KLF9: variants seen among roughly 807,000 people sequenced by gnomAD.
The protein encoded by KLF9 is KLF transcription factor 9, also known as Krueppel-like factor 9.
Under a neutral mutation model 17.3 loss-of-function variants are expected in KLF9, and 2 were observed. The observed-to-expected ratio is 0.12, with a 90% CI of 0.05 to 0.36. KLF9 has a LOEUF of 0.36. Among genes scored for constraint, KLF9 ranks in the 10% least tolerant of loss-of-function variants. The pLI, the probability that KLF9 is intolerant of heterozygous loss-of-function variation, is 1.00. For synonymous variants in KLF9, 138 were observed against 139.2 expected (o/e 0.99, Z 0.06); for missense variants, 226 against 333.2 (o/e 0.68, Z 2.51).
chr9:70,405,729 A>G (rs2118922914), intron 1 of KLF9, among the ~76,000 whole-genome samples: 1 of 152,284 alleles, frequency 6.6e-6, no homozygotes, highest in East Asian at 1.9e-4. Flanking sequence ...CATGGCAATG[A>G]ATGGCCTTGG....
intron 1 of KLF9, among the ~76,000 whole-genome samples, chr9:70,397,432 A>G (rs1044142250): frequency 4.6e-5 from 7 of 151,974 alleles, no homozygotes; most frequent in Admixed American, 2.6e-4. Context: ...CTGAGATTGC[A>G]CCACTGCACT....
chr9:70,401,688 A>C (rs1213909166), intron 1 of KLF9, among the ~76,000 whole-genome samples: 2 of 146,022 alleles, frequency 1.4e-5, no homozygotes, highest in East Asian at 2.0e-4. Flanking sequence ...CTCCTTCACA[A>C]AAAAAAAAAA....
intron 1 of KLF9, among the ~76,000 whole-genome samples, chr9:70,399,340 T>C (rs530009226): frequency 1.4e-4 from 21 of 152,328 alleles, no homozygotes; most frequent in Admixed American, 3.3e-4. Context: ...AGAAAGATGA[T>C]GCAACCTCCC....
intron 1 of KLF9, among the ~76,000 whole-genome samples, chr9:70,405,947 C>A (rs1023450333): frequency 1.3e-5 from 2 of 152,174 alleles, no homozygotes; most frequent in Non-Finnish European, 2.9e-5. Flanking sequence ...GGAAACCTCT[C>A]AGCAGCTCTG....
chr9:70,399,924 C>T (rs964099340), intron 1 of KLF9, among the ~76,000 whole-genome samples: 2 of 152,142 alleles, frequency 1.3e-5, no homozygotes, highest in African/African-American at 4.8e-5. Flanking sequence ...CTTAAAAAAA[C>T]TCTCAATTTG....
chr9:70,407,703 C>T (rs1475457087), intron 1 of KLF9, among the ~76,000 whole-genome samples: 1 of 152,170 alleles, frequency 6.6e-6, no homozygotes, highest in African/African-American at 2.4e-5. Flanking sequence ...GCCTCCAGCC[C>T]CAGGGTCAGA....
At chr9:70,389,845 C>A (rs2037141263) in intron 1 of KLF9, among the ~76,000 whole-genome samples, 1 of 152,250 alleles carries the variant, frequency 6.6e-6, no homozygotes, top group African/African-American at 2.4e-5. Flanking sequence ...CTGACAATAG[C>A]TGCTGCATAG....
chr9:70,384,783 G>GTGTT lies in KLF9; in HGVS notation c.*2989_*2992dup, dbSNP rs1383429257. The GTGTT allele has an allele frequency of 2.0e-5, 3 of 152,632 alleles. No homozygotes were observed. The highest frequency in any genetic ancestry group is 4.4e-5 in the Non-Finnish European group (3 of 68,030). The allele number at this position is 152,632 out of a possible 1,614,324, so 9.5% of individuals were successfully genotyped here. ...CAGTTGTAAAGATCAGTATCTTACA[G>GTGTT]TGTTACAGATCATCTGATGTGAAAG... On this transcript the variant is annotated 3_prime_UTR_variant, in exon 2 of 2. Transcript: ENST00000377126.
intron 1 of KLF9, among the ~76,000 whole-genome samples, chr9:70,398,489 A>ATT (rs397969034): frequency 1.1e-4 from 16 of 143,398 alleles, no homozygotes; most frequent in Admixed American, 2.8e-4. Flanking sequence ...AGATAACAGA[A>ATT]TTTTTTTTTT....
At chr9:70,396,086 T>C (rs1030186478) in intron 1 of KLF9, among the ~76,000 whole-genome samples, 10 of 152,162 alleles carry the variant, frequency 6.6e-5, no homozygotes, top group Admixed American at 3.9e-4. Flanking sequence ...GTGAGGCTAG[T>C]GAAAACGTTA....
At chr9:70,409,116 A>ATATATGTATATATGTATACATATATACG (rs2037286528) in intron 1 of KLF9, among the ~76,000 whole-genome samples, 2 of 86,678 alleles carry the variant, frequency 2.3e-5, no homozygotes, top group Non-Finnish European at 5.6e-5. Context: ...ATATATATAC[A>ATATATGTATATATGTATACATATATACG]TATATGTATA....
intron 1 of KLF9, among the ~76,000 whole-genome samples, chr9:70,410,518 A>C (rs559404008): frequency 6.6e-6 from 1 of 152,380 alleles, no homozygotes; most frequent in Non-Finnish European, 1.5e-5. Flanking sequence ...TTCAACTTCT[A>C]AAGCTGGTGT....
chr9:70,406,403 C>G (rs962420636), intron 1 of KLF9, among the ~76,000 whole-genome samples: 2 of 152,198 alleles, frequency 1.3e-5, no homozygotes, highest in Non-Finnish European at 2.9e-5. Flanking sequence ...ATCCCCATCT[C>G]TCTGAGAAAG....
Position 70,387,638 on chromosome 9 carries a change from A to T in KLF9, c.*138T>A. 5.8e-6 allele frequency: 4 copies of T among 689,428 alleles called. No individual in the cohort carries two copies. The South Asian group carries it at 7.2e-5, about 12-fold the overall frequency. 42.7% of individuals were successfully genotyped at this position (689,428 alleles called of 1,614,324 possible). A position where few individuals can be genotyped will look rare whatever the true frequency, so the allele number is the denominator to read the frequency against. On this transcript the variant is annotated 3_prime_UTR_variant, in exon 2 of 2. Transcript: ENST00000377126. ...AAAACAATGCAGGGAGAGGAAAATC[A>T]GAATATTGACCAAAGAGCAGTGACT...
chr9:70,395,169 T>G (rs957137609), intron 1 of KLF9, among the ~76,000 whole-genome samples: 1 of 152,230 alleles, frequency 6.6e-6, no homozygotes, highest in Non-Finnish European at 1.5e-5. Flanking sequence ...GAAAATAACC[T>G]TAAGAATCTA....
At chr9:70,407,406 C>A (rs1055669049) in intron 1 of KLF9, among the ~76,000 whole-genome samples, 4 of 152,230 alleles carry the variant, frequency 2.6e-5, no homozygotes, top group African/African-American at 9.6e-5. Flanking sequence ...CTCCCTCTCT[C>A]ACCCAGGAAC....
Position 70,384,972 on chromosome 9 carries a change from T to C in KLF9, c.*2804A>G, listed in dbSNP as rs2037099530. The C allele has an allele frequency of 6.6e-6, 1 of 152,422 alleles. No individual in the cohort carries two copies. The highest frequency in any genetic ancestry group is 2.1e-4 in the South Asian group (1 of 4,832). 9.4% of individuals were successfully genotyped at this position (152,422 alleles called of 1,614,324 possible). ...GCATCATTCCACAATGGTGAAGGGC[T>C]TTCTTCTTCCCTAACCAAAGAGAGG... On this transcript the variant is annotated 3_prime_UTR_variant, in exon 2 of 2. Coordinates refer to ENST00000377126, the MANE Select transcript of KLF9 (RefSeq NM_001206.4).
chr9:70,397,151 T>G (rs2037186150), intron 1 of KLF9, among the ~76,000 whole-genome samples: 1 of 152,144 alleles, frequency 6.6e-6, no homozygotes, highest in South Asian at 2.1e-4. Flanking sequence ...TGTCTTCTTC[T>G]CAAACTAATT....
intron 1 of KLF9, among the ~76,000 whole-genome samples, chr9:70,407,947 G>A (rs2037267994): frequency 6.6e-6 from 1 of 152,170 alleles, no homozygotes; most frequent in African/African-American, 2.4e-5. Context: ...AGTGGGGTGA[G>A]GCAGTATCAT....
Sources: allele counts gnomAD v4.1 joint callset (sites outside exome capture counted in the v4.1 genomes callset), GRCh38; gene constraint gnomAD v4.1.1; transcripts MANE v1.5; gene names NCBI Gene and HGNC (gene_info 2026-07-23, HGNC 2026-07-21).